Variants in GPAT3 observed in about 807,000 individuals in gnomAD.
GPAT3 encodes the protein 1-AGP acyltransferase 9.
A neutral mutation model predicts 58.8 loss-of-function variants in GPAT3; 53 were observed. That is an observed-to-expected ratio of 0.90 (90% CI 0.72 to 1.13). The LOEUF (loss-of-function observed/expected upper bound fraction) is 1.13. GPAT3 is among the 50% of genes most tolerant of loss of function. GPAT3 has a pLI of 0.00. For synonymous variants in GPAT3, 197 were observed against 187.4 expected (o/e 1.05, Z -0.42); for missense variants, 511 against 527.6 (o/e 0.97, Z 0.31).
chr4:83,556,032 A>C (rs1027428793), intron 2 of GPAT3, among the ~76,000 whole-genome samples: 8 of 152,196 alleles, frequency 5.3e-5, no homozygotes, highest in Non-Finnish European at 1.0e-4. Context: ...TTATCAATGA[A>C]ATTTTTGAAG....
intron 2 of GPAT3, among the ~76,000 whole-genome samples, chr4:83,566,710 A>C (rs1057152044): frequency 2.0e-5 from 3 of 150,868 alleles, no homozygotes; most frequent in Non-Finnish European, 4.4e-5. Context: ...GACATTATCT[A>C]TGTTGGGTCT....
rs181467473 is a variant in GPAT3, at chr4:83,540,783, G to A, written c.142-3753G>A. Reference sequence around the variant, plus strand: ...TGGCTCACTGCAACCTCCCCCTCCCGGATTCAAGTGATTCTCCTGCCTCAG... The same window carrying A: ...TGGCTCACTGCAACCTCCCCCTCCCAGATTCAAGTGATTCTCCTGCCTCAG... On this transcript the variant is annotated intron_variant, in intron 1 of 11. Coordinates refer to ENST00000264409, the MANE Select transcript of GPAT3 (RefSeq NM_032717.5). Among the ~76,000 whole-genome samples the A allele has an allele frequency of 5.6e-3, 858 of 152,212 alleles. 6 individuals are homozygous for A. The highest frequency in any genetic ancestry group is 0.017 in the Middle Eastern group (5 of 294).
chr4:83,548,568 G>T (rs948017251), intron 2 of GPAT3, among the ~76,000 whole-genome samples: 10 of 152,144 alleles, frequency 6.6e-5, no homozygotes, highest in Non-Finnish European at 1.2e-4. Context: ...CATTTACCTG[G>T]GAGTGAGTCA....
At chr4:83,572,036 G>T (rs1005662798) in intron 2 of GPAT3, among the ~76,000 whole-genome samples, 8 of 152,152 alleles carry the variant, frequency 5.3e-5, no homozygotes, top group Admixed American at 5.2e-4. Context: ...TCCTCCCAAA[G>T]TGCTGGGATT....
chr4:83,581,638 C>T lies in GPAT3; in HGVS notation c.285C>T (p.Asp95=), dbSNP rs770258933. ...GLRGRDFELS[D]VFYFSKKGLE... ...GAGGAAGGGACTTTGAGCTGTCTGA[C>T]GTGTTTTATTTCTCCAAGAAGGGAT... is the stretch of plus-strand genomic sequence containing the variant. The change falls in exon 3 of 12, where the codon GAC becomes GAT. Residue 95 remains aspartate, a synonymous_variant. Coordinates refer to ENST00000264409, the MANE Select transcript of GPAT3 (RefSeq NM_032717.5). The T allele has an allele frequency of 8.1e-6, 13 of 1,614,040 alleles. No homozygotes were observed. Among genetic ancestry groups the T allele is most frequent in the East Asian group, 2.2e-5 (1 of 44,884 alleles).
rs1416421868 is a variant in GPAT3, at chr4:83,552,402, G to A, written c.208+7800G>A. ...TCATTTGTGAATCACTGCTCCTAGA[G>A]AAGAATGCATTAGTGTATTGGTCCC... On this transcript the variant is annotated intron_variant, in intron 2 of 11. Coordinates refer to ENST00000264409, the MANE Select transcript of GPAT3 (RefSeq NM_032717.5). Among the ~76,000 whole-genome samples the A allele has an allele frequency of 5.9e-5, 9 of 152,260 alleles. No individual in the cohort carries two copies. In the East Asian group the frequency reaches 1.7e-3, roughly 29 times the overall value.
chr4:83,593,857 A>T (rs1482201219), intron 6 of GPAT3, among the ~76,000 whole-genome samples: 2 of 152,148 alleles, frequency 1.3e-5, no homozygotes, highest in African/African-American at 4.8e-5. Context: ...TTAGTCTGTC[A>T]TTCGCTCCTT....
Position 83,562,230 on chromosome 4 carries a change from ATATATAAT to A in GPAT3, c.208+17629_208+17636del, listed in dbSNP as rs1455365891. On this transcript the variant is annotated intron_variant, in intron 2 of 11. Coordinates refer to ENST00000264409, the MANE Select transcript of GPAT3 (RefSeq NM_032717.5). ...TATATATTATATATATATATAATAT[ATATATAAT>A]ATATATATATAAAATATAGTTTGGC... Among the ~76,000 whole-genome samples the A allele has an allele frequency of 1.2e-4, 9 of 75,774 alleles. 1 individual carries two copies. The highest frequency in any genetic ancestry group is 4.2e-4 in the African/African-American group (8 of 19,036). 49.7% of individuals were successfully genotyped at this position (75,774 alleles called of 152,430 possible). A position where few individuals can be genotyped will look rare whatever the true frequency, so the allele number is the denominator to read the frequency against.
At chr4:83,588,365 C>T in intron 5 of GPAT3, 66 bp downstream of exon 5, 1 of 1,485,046 alleles carries the variant, frequency 6.7e-7, no homozygotes, top group Non-Finnish European at 9.4e-7. Flanking sequence ...GACAAGGAAG[C>T]ATTGGAAGTG....
chr4:83,581,446 C>A, intron 2 of GPAT3, 116 bp from the exon 3 acceptor site: 1 of 1,098,944 alleles, frequency 9.1e-7, no homozygotes, highest in Admixed American at 2.4e-5. Flanking sequence ...GCTGATGTCA[C>A]CCATTAAACT....
chr4:83,579,951 GATC>G (rs1423978939), intron 2 of GPAT3, among the ~76,000 whole-genome samples: 1 of 152,066 alleles, frequency 6.6e-6, no homozygotes, highest in East Asian at 1.9e-4. Flanking sequence ...AAAATGAGGT[GATC>G]AAAAAAGATC....
At chr4:83,594,802 A>G (rs375711702) in intron 6 of GPAT3, 43 bp from the exon 7 acceptor site, 3 of 1,549,018 alleles carry the variant, frequency 1.9e-6, no homozygotes, top group Non-Finnish European at 2.7e-6. Context: ...TCTTTGCACA[A>G]CGGTGCCTTT....
chr4:83,536,464 A>C lies in GPAT3; in HGVS notation c.-159A>C. The C allele has an allele frequency of 1.4e-6, 2 of 1,444,962 alleles. No homozygotes were observed. 89.5% of individuals were successfully genotyped at this position (1,444,962 alleles called of 1,614,324 possible). A position where few individuals can be genotyped will look rare whatever the true frequency, so the allele number is the denominator to read the frequency against. On this transcript the variant is annotated 5_prime_UTR_variant, in exon 1 of 12. Transcript: ENST00000264409. Reference sequence around the variant, plus strand: ...AGGGAGGAAGGAAGGATATTGCCGTAATTCTGAAAGTTTTTTTCCTTCCTC... The same window carrying C: ...AGGGAGGAAGGAAGGATATTGCCGTCATTCTGAAAGTTTTTTTCCTTCCTC...
chr4:83,590,269 A>G lies in GPAT3; in HGVS notation c.715A>G (p.Thr239Ala), dbSNP rs1421113359. ...HTSPIDVLIL[T>A]TDGCYAMVGQ... The stretch of plus-strand genomic sequence containing the variant: ...TTCCCCCATTGATGTTTTAATCTTG[A>G]CAACGGATGGATGTTATGCTATGGT... The change falls in exon 6 of 12, where the codon ACA becomes GCA. Residue 239 changes from threonine to alanine, a missense_variant. Transcript: ENST00000264409. 6 of 1,613,688 alleles carry G rather than the reference A, an allele frequency of 3.7e-6. No individual in the cohort carries two copies. The highest frequency in any genetic ancestry group is 5.1e-6 in the Non-Finnish European group (6 of 1,179,794).
At chr4:83,570,588 T>C (rs1725569155) in intron 2 of GPAT3, among the ~76,000 whole-genome samples, 1 of 150,746 alleles carries the variant, frequency 6.6e-6, no homozygotes, top group South Asian at 2.1e-4. Context: ...TTCTCCTGCC[T>C]CAGCCTCCTG....
chr4:83,558,896 A>C (rs1359419052), intron 2 of GPAT3, among the ~76,000 whole-genome samples: 1 of 152,202 alleles, frequency 6.6e-6, no homozygotes, highest in Non-Finnish European at 1.5e-5. Flanking sequence ...TTTAGAGAAA[A>C]ACCAAGGGAT....
rs998423116 is a variant in GPAT3, at chr4:83,604,871, T to G, written c.*104T>G. The G allele has an allele frequency of 8.3e-6, 8 of 965,736 alleles. No homozygotes were observed. The Admixed American group carries it at 1.3e-4, about 16-fold the overall frequency. 59.8% of individuals were successfully genotyped at this position (965,736 alleles called of 1,614,324 possible). On this transcript the variant is annotated 3_prime_UTR_variant, in exon 12 of 12. Coordinates refer to ENST00000264409, the MANE Select transcript of GPAT3 (RefSeq NM_032717.5). ...GTTTTGTTTTTATTATTGTTAATCTTTTCTACAGAATGATTGTCTCTACCT... is the reference window on the plus strand; with the variant it reads ...GTTTTGTTTTTATTATTGTTAATCTGTTCTACAGAATGATTGTCTCTACCT...
chr4:83,593,756 C>A (rs1035495970), intron 6 of GPAT3, among the ~76,000 whole-genome samples: 30 of 152,152 alleles, frequency 2.0e-4, no homozygotes, highest in Admixed American at 1.9e-3. Context: ...CAGATACTGT[C>A]TTTGCAAGTT....
chr4:83,559,482 C>A (rs1725054012), intron 2 of GPAT3, among the ~76,000 whole-genome samples: 1 of 152,104 alleles, frequency 6.6e-6, no homozygotes, highest in African/African-American at 2.4e-5. Flanking sequence ...TGCTGCCACG[C>A]CTGGCTAATT....
Sources: allele counts gnomAD v4.1 joint callset (sites outside exome capture counted in the v4.1 genomes callset), GRCh38; gene constraint gnomAD v4.1.1; transcripts MANE v1.5; gene names NCBI Gene and HGNC (gene_info 2026-07-23, HGNC 2026-07-21).